Variants in WASHC5 observed in about 807,000 individuals in gnomAD.
WASHC5 encodes the protein WASH complex subunit 5, also known as WASH complex subunit strumpellin.
A neutral mutation model predicts 150.4 loss-of-function variants in WASHC5; 101 were observed. The ratio of observed to expected loss-of-function variants is 0.67; its 90% CI spans 0.57 to 0.79. The LOEUF is 0.79. Among genes scored for constraint, WASHC5 ranks in the 30% least tolerant of loss-of-function variants. The pLI is 0.00. For missense variants in WASHC5, 1,195 were observed against 1,396.3 expected, an observed-to-expected ratio of 0.86 and a Z score of 2.30; for synonymous variants, 467 against 491.2, an observed-to-expected ratio of 0.95 and a Z score of 0.65.
chr8:125,062,860 T>G (rs1255548062), intron 11 of WASHC5, among the ~76,000 whole-genome samples: 1 of 152,216 alleles, frequency 6.6e-6, no homozygotes, highest in East Asian at 1.9e-4. Flanking sequence ...GAATGGTTTT[T>G]TGGGAGCAGT....
rs1048643721 is a variant in WASHC5, at chr8:125,051,761, C to T, written c.2098-1096G>A. Among the ~76,000 whole-genome samples, 21 of 152,298 alleles carry T rather than the reference C, an allele frequency of 1.4e-4. 1 individual carries two copies. Among genetic ancestry groups the T allele is most frequent in the Admixed American group, 8.5e-4 (13 of 15,300 alleles). ...AATTAGTCGGGCGTGGTGGCACATG[C>T]CTGTTGTCCCAGTTACTCAGGAGGC... is the stretch of plus-strand genomic sequence containing the variant. On this transcript the variant is annotated intron_variant, in intron 17 of 28. Transcript: ENST00000318410.
intron 23 of WASHC5, among the ~76,000 whole-genome samples, 185 bp from the exon 24 acceptor site, chr8:125,040,083 GC>G (rs2129997723): frequency 6.6e-6 from 1 of 152,230 alleles, no homozygotes; most frequent in South Asian, 2.1e-4. Flanking sequence ...AGCACCAGAG[GC>G]CCTTCAAGGA....
chr8:125,027,031 GT>G lies in WASHC5; in HGVS notation c.3423+1588del, dbSNP rs559118370. 4.4e-4 allele frequency among the ~76,000 whole-genome samples: 67 copies of G among 152,074 alleles called. 1 individual carries two copies. Among genetic ancestry groups the G allele is most frequent in the Admixed American group, 2.2e-3 (34 of 15,274 alleles). On this transcript the variant is annotated intron_variant, in intron 28 of 28. Coordinates refer to ENST00000318410, the MANE Select transcript of WASHC5 (RefSeq NM_014846.4). ...AAATTTTATATTTAAAATTTTTATA[GT>G]TTTTTAATAAAGTGTTCTTTCATAT...
At chr8:125,053,532 T>A (rs1318700615) in intron 17 of WASHC5, among the ~76,000 whole-genome samples, 2 of 152,168 alleles carry the variant, frequency 1.3e-5, no homozygotes, top group African/African-American at 4.8e-5. Context: ...CTAAAATGCA[T>A]GTACATTCTC....
Position 125,078,792 on chromosome 8 carries a change from T to A in WASHC5, c.657A>T (p.Glu219Asp), listed in dbSNP as rs886062655. 5.6e-6 allele frequency: 9 copies of A among 1,613,980 alleles called. No homozygotes were observed. Among genetic ancestry groups the A allele is most frequent in the Non-Finnish European group, 7.6e-6 (9 of 1,179,936 alleles). Reference protein sequence around the residue: ...ESYFQRVPINESFISMVIGRL... With the variant: ...ESYFQRVPINDSFISMVIGRL... ...GACCAATGACCATACTGATGAAGGA[T>A]TCGTTGATAGGCACTCTCTGGAAAT... The change falls in exon 6 of 29, where the codon GAA (glutamate) becomes GAT (aspartate). Residue 219 changes from glutamate (E) to aspartate (D), a missense_variant. Physicochemically the swap from Glu to Asp is conservative, Grantham distance 45. Coordinates refer to ENST00000318410, the MANE Select transcript of WASHC5 (RefSeq NM_014846.4).
chr8:125,041,219 C>T (rs760053849), intron 23 of WASHC5, among the ~76,000 whole-genome samples: 7 of 152,058 alleles, frequency 4.6e-5, no homozygotes, highest in Non-Finnish European at 7.4e-5. Flanking sequence ...CTTTTCTACT[C>T]GGACAAAGTA....
chr8:125,038,551 C>T (rs888446251), intron 25 of WASHC5, among the ~76,000 whole-genome samples: 2 of 152,210 alleles, frequency 1.3e-5, no homozygotes, highest in African/African-American at 4.8e-5. Flanking sequence ...GATGACTGAA[C>T]GGCAAACCCC....
intron 27 of WASHC5, 149 bp from the exon 28 acceptor site, chr8:125,028,856 G>A (rs997311340): frequency 4.0e-5 from 27 of 670,180 alleles, no homozygotes; most frequent in Admixed American, 3.0e-4. Context: ...TTCCTGTCAA[G>A]TTGTTACCTT....
Position 125,024,592 on chromosome 8 carries a change from T to C in WASHC5, c.*25A>G. Reference sequence around the variant, plus strand: ...GGTGGGAAGATCTAAGGACAATCCTTCCATTGAAGAAGTAGGAAAAACAGT... The same window carrying C: ...GGTGGGAAGATCTAAGGACAATCCTCCCATTGAAGAAGTAGGAAAAACAGT... On this transcript the variant is annotated 3_prime_UTR_variant, in exon 29 of 29. Transcript: ENST00000318410. The C allele has an allele frequency of 6.5e-7, 1 of 1,544,284 alleles. No individual in the cohort carries two copies. Among genetic ancestry groups the C allele is most frequent in the Non-Finnish European group, 9.0e-7 (1 of 1,116,552 alleles).
chr8:125,069,557 G>C (rs1209665021), intron 9 of WASHC5, among the ~76,000 whole-genome samples: 1 of 152,178 alleles, frequency 6.6e-6, no homozygotes, highest in Admixed American at 6.5e-5. Context: ...ATGTTGTATA[G>C]ATATATGTAT....
chr8:125,027,599 G>A (rs1815410264), intron 28 of WASHC5, among the ~76,000 whole-genome samples: 1 of 152,146 alleles, frequency 6.6e-6, no homozygotes, highest in Non-Finnish European at 1.5e-5. Context: ...ATTATACAAT[G>A]GACTTTGGGG....
chr8:125,085,730 A>G (rs1817400665), intron 1 of WASHC5, among the ~76,000 whole-genome samples: 1 of 152,206 alleles, frequency 6.6e-6, no homozygotes, highest in African/African-American at 2.4e-5. Flanking sequence ...CAGTGCAGAT[A>G]GCAGGGGTGA....
chr8:125,067,293 C>T (rs1280177909), intron 10 of WASHC5, among the ~76,000 whole-genome samples: 3 of 152,216 alleles, frequency 2.0e-5, no homozygotes, highest in East Asian at 1.9e-4. Flanking sequence ...GCTGGGATTA[C>T]AGGCATGAGC....
At chr8:125,029,050 CGACA>C (rs1815453256) in intron 27 of WASHC5, among the ~76,000 whole-genome samples, 1 of 123,612 alleles carries the variant, frequency 8.1e-6, no homozygotes, top group African/African-American at 3.2e-5. Context: ...TTTTTTTTTG[CGACA>C]GACTTTTCAC....
chr8:125,036,150 T>C (rs1309533568), intron 26 of WASHC5, among the ~76,000 whole-genome samples: 1 of 152,250 alleles, frequency 6.6e-6, no homozygotes, highest in Non-Finnish European at 1.5e-5. Context: ...GTATAAATAT[T>C]AGTCTTATCT....
At chr8:125,028,790 C>T in intron 27 of WASHC5, 83 bp from the exon 28 acceptor site, 1 of 893,892 alleles carries the variant, frequency 1.1e-6, no homozygotes. Context: ...GACTAAATTA[C>T]CAACAGATTA....
rs981124665 is a variant in WASHC5, at chr8:125,044,555, A to G, written c.2648T>C (p.Met883Thr). The G allele has an allele frequency of 5.6e-6, 9 of 1,614,000 alleles. No individual in the cohort carries two copies. Among genetic ancestry groups the G allele is most frequent in the Admixed American group, 1.7e-5 (1 of 60,008 alleles). ...LNGLDRLLCFMIVKELQNFLS... is the reference protein window; with the variant it reads ...LNGLDRLLCFTIVKELQNFLS... ...GCTCACCTGTAACTCTTTTACAATC[A>G]TAAAGCACAGAAGCCTGTCTAAGCC... The change falls in exon 21 of 29, where the codon ATG becomes ACG. Residue 883 changes from methionine (M) to threonine (T), a missense_variant. Around this residue, in one of 3 missense-constraint regions of WASHC5, gnomAD observed 997 missense variants for 1,168.1 expected, o/e 0.85. Transcript: ENST00000318410.
intron 1 of WASHC5, among the ~76,000 whole-genome samples, chr8:125,086,814 G>C (rs1277121006): frequency 6.6e-6 from 1 of 152,204 alleles, no homozygotes; most frequent in Non-Finnish European, 1.5e-5. Context: ...GAGTTACAAA[G>C]AGGAAAGACC....
chr8:125,073,124 T>C, intron 9 of WASHC5, 29 bp downstream of exon 9: 4 of 1,612,454 alleles, frequency 2.5e-6, no homozygotes, highest in Middle Eastern at 1.7e-4. Context: ...TGTGGAGTAA[T>C]ATAAACGGCC....
Sources: allele counts gnomAD v4.1 joint callset (sites outside exome capture counted in the v4.1 genomes callset), GRCh38; gene constraint gnomAD v4.1.1; regional missense constraint gnomAD v4.1.1; transcripts MANE v1.5; gene names NCBI Gene and HGNC (gene_info 2026-07-23, HGNC 2026-07-21).